Variants in ASAH2 observed in about 807,000 individuals in gnomAD.
The protein encoded by ASAH2 is neutral ceramidase.
In ASAH2, 58 loss-of-function variants were observed where a neutral mutation model predicts 82.9. The observed-to-expected ratio is 0.70, with a 90% CI of 0.57 to 0.87. The LOEUF (loss-of-function observed/expected upper bound fraction) is 0.87, where lower values mean the gene tolerates loss of function less well. Ranked by LOEUF, ASAH2 falls within the 40% of genes least tolerant of loss-of-function variation. The probability of loss-of-function intolerance (pLI) is 0.00; values close to 1 mark genes in which losing one functional copy is unlikely to be tolerated. For synonymous variants in ASAH2, 276 were observed against 289.7 expected (o/e 0.95, Z 0.48); for missense variants, 779 against 834.0 (o/e 0.93, Z 0.81).
At chr10:50,193,561 A>C (rs1418351151) in intron 18 of ASAH2, among the ~76,000 whole-genome samples, 1 of 151,626 alleles carries the variant, frequency 6.6e-6, no homozygotes, top group Non-Finnish European at 1.5e-5. Flanking sequence ...AGTTGTGACA[A>C]GATTCTGTTC....
intron 5 of ASAH2, 33 bp from the exon 6 acceptor site, chr10:50,234,585 C>G: frequency 6.2e-7 from 1 of 1,612,156 alleles, no homozygotes; most frequent in Non-Finnish European, 8.5e-7. Flanking sequence ...ATGTTATAAG[C>G]TTAGAAATCC....
intron 7 of ASAH2, among the ~76,000 whole-genome samples, chr10:50,224,724 C>G (rs1261225777): frequency 6.6e-6 from 1 of 152,162 alleles, no homozygotes; most frequent in Non-Finnish European, 1.5e-5. Flanking sequence ...TCTTGTGTGG[C>G]ACTTGCCATT....
At position 50,235,902 on chromosome 10, in the gene ASAH2, T is replaced by A; in HGVS notation, c.673A>T (p.Thr225Ser). 6.2e-7 allele frequency: 1 copy of A among 1,613,248 alleles called. No individual in the cohort carries two copies. The highest frequency in any genetic ancestry group is 8.5e-7 in the Non-Finnish European group (1 of 1,179,356). ...TCTTTGCCTACCTTCAAGATACCAG[T>A]GACCATGTGCTGAAAAGTTTGATTG... The part of the protein sequence containing the change: ...FSNQTFQHMV[T>S]GILKSIDIAH... The change falls in exon 5 of 21, where the codon ACT (threonine) becomes TCT (serine). Residue 225 changes from threonine to serine, a missense_variant. By Grantham distance (58) the Thr-to-Ser change is moderately conservative. Around this residue, in one of 3 missense-constraint regions of ASAH2, gnomAD observed 759 missense variants for 755.2 expected, o/e 1.00. Coordinates refer to ENST00000682911, the MANE Select transcript of ASAH2 (RefSeq NM_019893.4).
At chr10:50,241,127 C>T (rs1846281937) in intron 4 of ASAH2, among the ~76,000 whole-genome samples, 1 of 152,196 alleles carries the variant, frequency 6.6e-6, no homozygotes, top group East Asian at 1.9e-4. Context: ...AACAAACCAT[C>T]TTGGAAGTGG....
chr10:50,247,657 A>AT (rs927708807), intron 2 of ASAH2, among the ~76,000 whole-genome samples: 67 of 152,188 alleles, frequency 4.4e-4, no homozygotes, highest in African/African-American at 1.5e-3. Context: ...CATCTTCTCC[A>AT]TTTGGCCTAA....
At chr10:50,210,930 A>G in intron 11 of ASAH2, 26 bp from the exon 12 acceptor site, 1 of 1,610,828 alleles carries the variant, frequency 6.2e-7, no homozygotes, top group Non-Finnish European at 8.5e-7. Flanking sequence ...TAAAAACAAA[A>G]CAAAAATGAA....
chr10:50,195,285 T>A (rs1844947957), intron 18 of ASAH2, among the ~76,000 whole-genome samples: 1 of 151,516 alleles, frequency 6.6e-6, no homozygotes, highest in African/African-American at 2.4e-5. Context: ...AACAGGGTAT[T>A]TTTTTAAATG....
At chr10:50,244,824 T>C (rs138483509) in intron 3 of ASAH2, among the ~76,000 whole-genome samples, 1,556 of 149,392 alleles carry the variant, frequency 0.01, 16 homozygotes, top group Non-Finnish European at 0.016. Context: ...GCTAGATTCA[T>C]GTACTTTATT....
intron 16 of ASAH2, among the ~76,000 whole-genome samples, chr10:50,200,270 C>G (rs1209705376): frequency 1.3e-5 from 2 of 151,144 alleles, no homozygotes; most frequent in Non-Finnish European, 1.5e-5. Context: ...TCCCCCAAAG[C>G]CTTCCTTACT....
chr10:50,230,520 C>T (rs1845995582), intron 7 of ASAH2, among the ~76,000 whole-genome samples: 1 of 152,064 alleles, frequency 6.6e-6, no homozygotes, highest in South Asian at 2.1e-4. Flanking sequence ...TTACACTATG[C>T]AACAAGAGGC....
In ASAH2 at chr10:50,245,835, C is replaced by T. The variant is rs141459622; in HGVS notation, c.128-381G>A. On this transcript the variant is annotated intron_variant, in intron 2 of 20. Coordinates refer to ENST00000682911, the MANE Select transcript of ASAH2 (RefSeq NM_019893.4). ...CCATTTTTTCTATCCAGACTCCTCA[C>T]TCCTTTCCTCTCCATCTACCAAACT... is the stretch of plus-strand genomic sequence containing the variant. 1.3e-4 allele frequency among the ~76,000 whole-genome samples: 20 copies of T among 152,234 alleles called. No homozygotes were observed. In the East Asian group the frequency reaches 3.7e-3, roughly 28 times the overall value.
At chr10:50,203,565 G>A (rs1274890290) in intron 15 of ASAH2, 75 bp downstream of exon 15, 1 of 543,258 alleles carries the variant, frequency 1.8e-6, no homozygotes, top group Non-Finnish European at 3.1e-6. Flanking sequence ...CTAGATATAG[G>A]ATCATAGGGA....
At chr10:50,246,550 T>C (rs1362273879) in intron 2 of ASAH2, among the ~76,000 whole-genome samples, 1 of 152,214 alleles carries the variant, frequency 6.6e-6, no homozygotes, top group African/African-American at 2.4e-5. Flanking sequence ...TCTGAAATCC[T>C]GGAAATTCAG....
intron 4 of ASAH2, chr10:50,240,419 C>T: frequency 1.4e-6 from 1 of 701,574 alleles, no homozygotes; most frequent in South Asian, 1.5e-5. Context: ...AAAGAATCTG[C>T]TAATTTTTGT....
At chr10:50,245,935 C>A (rs937320881) in intron 2 of ASAH2, among the ~76,000 whole-genome samples, 5 of 152,170 alleles carry the variant, frequency 3.3e-5, no homozygotes, top group African/African-American at 1.2e-4. Flanking sequence ...CAGGATGCCA[C>A]CCCACTGGCT....
intron 1 of ASAH2, among the ~76,000 whole-genome samples, chr10:50,248,982 G>C (rs1314512976): frequency 6.6e-6 from 1 of 152,188 alleles, no homozygotes; most frequent in Non-Finnish European, 1.5e-5. Context: ...CGATGATGCT[G>C]TTTATGGATC....
intron 15 of ASAH2, 59 bp downstream of exon 15, chr10:50,203,581 T>TCCTATGGTGAAGGGGG: frequency 1.5e-6 from 2 of 1,345,054 alleles, no homozygotes; most frequent in Non-Finnish European, 2.1e-6. Flanking sequence ...AGGGATAGGA[T>TCCTATGGTGAAGGGGG]ATACTTTCCT....
intron 7 of ASAH2, among the ~76,000 whole-genome samples, chr10:50,227,596 A>G (rs1845922145): frequency 6.6e-6 from 1 of 152,108 alleles, no homozygotes; most frequent in African/African-American, 2.4e-5. Context: ...CAAGTTTTCT[A>G]TGGTAAGCAC....
chr10:50,233,282 G>T, intron 6 of ASAH2, 21 bp from the exon 7 acceptor site: 3 of 1,557,910 alleles, frequency 1.9e-6, no homozygotes, highest in Admixed American at 1.7e-5. Context: ...AAACAGAAAA[G>T]CACAGTCAGT....
Sources: gnomAD v4.1 joint callset for allele counts (sites outside exome capture counted in the v4.1 genomes callset) on GRCh38, gnomAD v4.1.1 for gene constraint, gnomAD v4.1.1 regional missense constraint, MANE v1.5 for transcripts, NCBI Gene and HGNC (gene_info 2026-07-23, HGNC 2026-07-21) for gene names.